Variants in CSNK1A1 observed in about 807,000 individuals in gnomAD.
CSNK1A1 encodes casein kinase 1 alpha 1.
A neutral mutation model predicts 46.1 loss-of-function variants in CSNK1A1; 7 were observed. The ratio of observed to expected loss-of-function variants is 0.15; its 90% CI spans 0.09 to 0.29. The LOEUF is 0.29. Among genes scored for constraint, CSNK1A1 ranks in the 10% least tolerant of loss-of-function variants. CSNK1A1 has a pLI of 1.00. For missense variants in CSNK1A1, 96 were observed against 417.1 expected, an observed-to-expected ratio of 0.23 and a Z score of 6.71; for synonymous variants, 137 against 141.5, an observed-to-expected ratio of 0.97 and a Z score of 0.23.
At chr5:149,510,459 C>T (rs900479589) in intron 6 of CSNK1A1, among the ~76,000 whole-genome samples, 1 of 151,468 alleles carries the variant, frequency 6.6e-6, no homozygotes, top group Non-Finnish European at 1.5e-5. Context: ...TTCCTTTTTC[C>T]TTTTCTTTGT....
At chr5:149,526,668 G>A (rs922198901) in intron 2 of CSNK1A1, among the ~76,000 whole-genome samples, 2 of 152,022 alleles carry the variant, frequency 1.3e-5, no homozygotes, top group African/African-American at 4.8e-5. Flanking sequence ...TGCTACTCTT[G>A]TGGCTCTTCT....
chr5:149,542,620 ATATATATATATATATATATG>A (rs1762292964), intron 2 of CSNK1A1, among the ~76,000 whole-genome samples: 4 of 12,858 alleles, frequency 3.1e-4, no homozygotes, highest in African/African-American at 1.1e-3. Context: ...ATATATATAT[ATATATATATATATATATATG>A]TATATATATA....
In CSNK1A1 at chr5:149,494,908, C is replaced by A. The variant is rs1055713384; in HGVS notation, c.*1945G>T. On this transcript the variant is annotated 3_prime_UTR_variant, in exon 10 of 10. Transcript: ENST00000377843. ...TCTAAGTGCATAGTAAATAAAAGCA[C>A]TGAAAAATATCTTGCTAGAGGGAGT... 6.6e-6 allele frequency: 1 copy of A among 152,182 alleles called. No individual in the cohort carries two copies. The highest frequency in any genetic ancestry group is 1.5e-5 in the Non-Finnish European group (1 of 68,038). 9.4% of individuals were successfully genotyped at this position (152,182 alleles called of 1,614,324 possible). A position where few individuals can be genotyped will look rare whatever the true frequency, so the allele number is the denominator to read the frequency against.
At chr5:149,529,571 G>A (rs999861767) in intron 2 of CSNK1A1, 2 of 399,080 alleles carry the variant, frequency 5.0e-6, no homozygotes, top group Non-Finnish European at 5.1e-6. Flanking sequence ...AGGATGAACA[G>A]TGTTTTGATA....
chr5:149,538,858 G>A (rs1420049878), intron 2 of CSNK1A1, among the ~76,000 whole-genome samples: 1 of 151,758 alleles, frequency 6.6e-6, no homozygotes, highest in Non-Finnish European at 1.5e-5. Flanking sequence ...GGAGGCGGAT[G>A]TTGCGGTGAG....
At chr5:149,499,967 C>CTT (rs1162496799) in intron 9 of CSNK1A1, among the ~76,000 whole-genome samples, 3,326 of 77,584 alleles carry the variant, frequency 0.043, 356 homozygotes, top group African/African-American at 0.12. Context: ...TTCTTTTTTT[C>CTT]TTTTTTTTTT....
chr5:149,513,387 C>A (rs3733848), intron 4 of CSNK1A1, among the ~76,000 whole-genome samples, 178 bp from the exon 5 acceptor site: 3,642 of 150,924 alleles, frequency 0.024, 72 homozygotes, highest in East Asian at 0.097. Context: ...TACTAGTCTT[C>A]ATCAATAAAT....
At chr5:149,543,025 C>A (rs1398132209) in intron 2 of CSNK1A1, among the ~76,000 whole-genome samples, 1 of 151,878 alleles carries the variant, frequency 6.6e-6, no homozygotes, top group Non-Finnish European at 1.5e-5. Flanking sequence ...AAGTTTTTAT[C>A]CTGCAATCCA....
At chr5:149,529,695 G>C (rs900725135) in intron 2 of CSNK1A1, 2 of 456,246 alleles carry the variant, frequency 4.4e-6, no homozygotes, top group Admixed American at 4.7e-5. Flanking sequence ...AGGTTCTTCA[G>C]TGCAAGGCTT....
chr5:149,533,351 A>C (rs1761956996), intron 2 of CSNK1A1, among the ~76,000 whole-genome samples: 1 of 152,050 alleles, frequency 6.6e-6, no homozygotes, highest in Non-Finnish European at 1.5e-5. Flanking sequence ...TGGGGATCTG[A>C]TCTTTTTTTT....
At chr5:149,535,744 C>A (rs543125849) in intron 2 of CSNK1A1, among the ~76,000 whole-genome samples, 1 of 152,174 alleles carries the variant, frequency 6.6e-6, no homozygotes, top group East Asian at 1.9e-4. Flanking sequence ...CAGATTCAAG[C>A]GATTCTCCTG....
intron 2 of CSNK1A1, chr5:149,549,270 A>G: frequency 1.9e-6 from 1 of 531,278 alleles, no homozygotes; most frequent in East Asian, 2.8e-5. Context: ...TGCCTTTGCC[A>G]CTACCTATAC....
intron 2 of CSNK1A1, among the ~76,000 whole-genome samples, chr5:149,531,173 A>T (rs1761884668): frequency 6.6e-6 from 1 of 152,178 alleles, no homozygotes; most frequent in Non-Finnish European, 1.5e-5. Flanking sequence ...TTAAATGCAT[A>T]AAATACAAGG....
chr5:149,498,273 CATA>C, intron 9 of CSNK1A1: 1 of 984,884 alleles, frequency 1.0e-6, no homozygotes, highest in Middle Eastern at 5.2e-4. Flanking sequence ...AGAGTAGGTG[CATA>C]ATAGATCTTT....
In CSNK1A1 at chr5:149,494,384, G is replaced by A. The variant is rs1449595729; in HGVS notation, c.*2469C>T. 1.3e-5 allele frequency: 2 copies of A among 152,034 alleles called. No individual in the cohort carries two copies. The highest frequency in any genetic ancestry group is 3.8e-4 in the East Asian group (2 of 5,196). 9.4% of individuals were successfully genotyped at this position (152,034 alleles called of 1,614,324 possible). On this transcript the variant is annotated 3_prime_UTR_variant, in exon 10 of 10. Transcript: ENST00000377843. ...TTTCTTGTTATACCTTCCCAAAACAGAGACATTCAACAGTAGTTAGAATGG... is the reference window on the plus strand; with the variant it reads ...TTTCTTGTTATACCTTCCCAAAACAAAGACATTCAACAGTAGTTAGAATGG...
At chr5:149,545,517 G>A in intron 2 of CSNK1A1, 1 of 638,726 alleles carries the variant, frequency 1.6e-6, no homozygotes, top group Non-Finnish European at 2.8e-6. Context: ...TGGCAATGCG[G>A]ACACAAGCAC....
rs1561772447 is a variant in CSNK1A1, at chr5:149,542,633, TA to T, written c.230+7441del. On this transcript the variant is annotated intron_variant, in intron 2 of 9. Transcript: ENST00000377843. ...ATATATATATATATATATATATATA[TA>T]TATATGTATATATATATATATATAT... Among the ~76,000 whole-genome samples, 64 of 12,156 alleles carry T rather than the reference TA, an allele frequency of 5.3e-3. 6 individuals carry two copies. Among genetic ancestry groups the T allele is most frequent in the East Asian group, 0.033 (6 of 184 alleles). 8.0% of individuals were successfully genotyped at this position (12,156 alleles called of 152,430 possible). A position where few individuals can be genotyped will look rare whatever the true frequency, so the allele number is the denominator to read the frequency against.
At chr5:149,530,019 A>G (rs1407059140) in intron 2 of CSNK1A1, among the ~76,000 whole-genome samples, 1 of 152,226 alleles carries the variant, frequency 6.6e-6, no homozygotes, top group African/African-American at 2.4e-5. Context: ...AGAATAAATC[A>G]GTGTAATTAT....
intron 4 of CSNK1A1, among the ~76,000 whole-genome samples, chr5:149,516,935 C>T (rs1017731774): frequency 2.0e-5 from 3 of 151,976 alleles, no homozygotes; most frequent in Non-Finnish European, 2.9e-5. Context: ...TTATTCATGC[C>T]AATACTTCCT....
Sources: gnomAD v4.1 joint callset for allele counts (sites outside exome capture counted in the v4.1 genomes callset) on GRCh38, gnomAD v4.1.1 for gene constraint, MANE v1.5 for transcripts, NCBI Gene and HGNC (gene_info 2026-07-23, HGNC 2026-07-21) for gene names.